Variants in GRID2 observed in about 807,000 individuals in gnomAD.
GRID2 encodes the protein glutamate receptor ionotropic, delta-2.
A neutral mutation model predicts 114.8 loss-of-function variants in GRID2; 33 were observed. That is an observed-to-expected ratio of 0.29 (90% CI 0.22 to 0.38). The LOEUF (loss-of-function observed/expected upper bound fraction) is 0.38. Among genes scored for constraint, GRID2 ranks in the 10% least tolerant of loss-of-function variants. GRID2 has a pLI of 1.00. For missense variants in GRID2, 1,184 were observed against 1,257.7 expected (o/e 0.94, Z 0.89); for synonymous variants, 505 against 449.9 (o/e 1.12, Z -1.55).
At chr4:93,586,068 G>A (rs2149602611) in intron 13 of GRID2, among the ~76,000 whole-genome samples, 1 of 152,206 alleles carries the variant, frequency 6.6e-6, no homozygotes, top group East Asian at 1.9e-4. Context: ...TTCTACTCCT[G>A]AGTGTCTGAC....
chr4:93,722,834 C>T (rs973453277), intron 14 of GRID2, among the ~76,000 whole-genome samples: 6 of 152,204 alleles, frequency 3.9e-5, no homozygotes, highest in Non-Finnish European at 8.8e-5. Flanking sequence ...ACCTATCTTT[C>T]TAATGCATAG....
At chr4:93,670,030 G>A (rs1724272325) in intron 14 of GRID2, among the ~76,000 whole-genome samples, 1 of 152,088 alleles carries the variant, frequency 6.6e-6, no homozygotes, top group Non-Finnish European at 1.5e-5. Flanking sequence ...GTGGCAAAAT[G>A]TGACCCTAGG....
intron 2 of GRID2, among the ~76,000 whole-genome samples, chr4:92,682,445 G>A (rs1273224706): frequency 6.6e-6 from 1 of 152,076 alleles, no homozygotes; most frequent in African/African-American, 2.4e-5. Context: ...CCTTTGATGC[G>A]ATTTTGATCT....
rs527239610 is a variant in GRID2, at chr4:92,307,160, G to C, written c.88+2416G>C. Among the ~76,000 whole-genome samples, 10 of 152,086 alleles carry C rather than the reference G, an allele frequency of 6.6e-5. No homozygotes were observed. In the East Asian group the frequency reaches 1.9e-3, roughly 29 times the overall value. ...TGTAAAGCACCAGTTAACATGAATTGGATTAGTTTCCTTACTTGTTTGAAT... is the reference window on the plus strand; with the variant it reads ...TGTAAAGCACCAGTTAACATGAATTCGATTAGTTTCCTTACTTGTTTGAAT... On this transcript the variant is annotated intron_variant, in intron 1 of 15. Coordinates refer to ENST00000282020, the MANE Select transcript of GRID2 (RefSeq NM_001510.4).
At chr4:92,650,963 G>T (rs1375004256) in intron 2 of GRID2, among the ~76,000 whole-genome samples, 1 of 151,974 alleles carries the variant, frequency 6.6e-6, no homozygotes, top group Non-Finnish European at 1.5e-5. Flanking sequence ...TTCTGTCAAG[G>T]CAGCTGCCTC....
intron 13 of GRID2, among the ~76,000 whole-genome samples, chr4:93,544,387 G>A (rs1262360905): frequency 2.6e-5 from 4 of 152,206 alleles, no homozygotes; most frequent in Admixed American, 2.6e-4. Flanking sequence ...GATAATTATA[G>A]TGATAATAAT....
intron 4 of GRID2, among the ~76,000 whole-genome samples, chr4:93,157,671 G>T (rs1192312082): frequency 6.6e-6 from 1 of 151,624 alleles, no homozygotes; most frequent in South Asian, 2.1e-4. Flanking sequence ...GAAAGGAAAG[G>T]AAGTATGTTC....
At chr4:92,823,441 G>A (rs1741437976) in intron 2 of GRID2, among the ~76,000 whole-genome samples, 1 of 152,122 alleles carries the variant, frequency 6.6e-6, no homozygotes, top group Non-Finnish European at 1.5e-5. Context: ...CGTAATAGGT[G>A]ACATGAGAGA....
chr4:93,560,087 G>A (rs1560753443), intron 13 of GRID2, among the ~76,000 whole-genome samples: 5 of 151,918 alleles, frequency 3.3e-5, no homozygotes, highest in Middle Eastern at 3.4e-3. Flanking sequence ...AGAAGGTGGG[G>A]GGCTAGGGGA....
chr4:93,719,662 A>T (rs1400807199), intron 14 of GRID2, among the ~76,000 whole-genome samples: 1 of 152,182 alleles, frequency 6.6e-6, no homozygotes, highest in Non-Finnish European at 1.5e-5. Flanking sequence ...CTTAATAAAT[A>T]CTTAATACTA....
chr4:93,341,239 A>G (rs893632518), intron 8 of GRID2, among the ~76,000 whole-genome samples: 2 of 152,164 alleles, frequency 1.3e-5, no homozygotes, highest in African/African-American at 4.8e-5. Context: ...ACCAAATGTA[A>G]AACAGCATGT....
At chr4:92,708,774 A>G (rs999472707) in intron 2 of GRID2, among the ~76,000 whole-genome samples, 2 of 152,086 alleles carry the variant, frequency 1.3e-5, no homozygotes, top group South Asian at 4.1e-4. Flanking sequence ...TAAACGCAAA[A>G]AATTAGCCAG....
At chr4:93,296,627 C>T (rs1176123194) in intron 8 of GRID2, among the ~76,000 whole-genome samples, 3 of 152,164 alleles carry the variant, frequency 2.0e-5, no homozygotes, top group Non-Finnish European at 4.4e-5. Context: ...ATTACAGTTT[C>T]ATATATTTCA....
rs772724087 is a variant in GRID2, at chr4:93,524,785, G to GTATA, written c.2193+9400_2193+9403dup. Among the ~76,000 whole-genome samples, 26 of 87,392 alleles carry GTATA rather than the reference G, an allele frequency of 3.0e-4. No individual in the cohort carries two copies. In the East Asian group the frequency reaches 3.2e-3, roughly 11 times the overall value. 57.3% of individuals were successfully genotyped at this position (87,392 alleles called of 152,430 possible). A position where few individuals can be genotyped will look rare whatever the true frequency, so the allele number is the denominator to read the frequency against. The stretch of plus-strand genomic sequence containing the variant: ...CAAGAAAAAATATATGTATGTATGT[G>GTATA]TATATATATATATATATATATATAT... On this transcript the variant is annotated intron_variant, in intron 13 of 15. Transcript: ENST00000282020.
intron 11 of GRID2, among the ~76,000 whole-genome samples, chr4:93,469,908 A>G (rs1178867055): frequency 2.6e-5 from 4 of 152,156 alleles, no homozygotes; most frequent in African/African-American, 9.6e-5. Flanking sequence ...AAAACTAAAT[A>G]TTTTTAAATG....
intron 2 of GRID2, among the ~76,000 whole-genome samples, chr4:92,631,896 A>G (rs1360126170): frequency 3.9e-5 from 6 of 152,148 alleles, no homozygotes; most frequent in Non-Finnish European, 7.4e-5. Context: ...TTTCAAGGGT[A>G]TTGGATATGC....
intron 2 of GRID2, among the ~76,000 whole-genome samples, chr4:92,800,737 G>C (rs1740117680): frequency 6.6e-6 from 1 of 151,950 alleles, no homozygotes. Flanking sequence ...CCGATCATCT[G>C]ATTCTGGTAT....
intron 14 of GRID2, among the ~76,000 whole-genome samples, chr4:93,685,360 T>C (rs528484343): frequency 1.3e-5 from 2 of 152,184 alleles, no homozygotes; most frequent in South Asian, 2.1e-4. Flanking sequence ...TCTTCCCTTC[T>C]AGCTCAGACG....
intron 2 of GRID2, among the ~76,000 whole-genome samples, chr4:93,064,620 A>T (rs1396938142): frequency 1.3e-5 from 2 of 151,838 alleles, no homozygotes; most frequent in Admixed American, 6.6e-5. Context: ...GGTAGAAAGC[A>T]TCCTTGTGAA....
Sources: gnomAD v4.1 joint callset for allele counts (sites outside exome capture counted in the v4.1 genomes callset) on GRCh38, gnomAD v4.1.1 for gene constraint, MANE v1.5 for transcripts, NCBI Gene and HGNC (gene_info 2026-07-23, HGNC 2026-07-21) for gene names.